Variants in ERICH1 observed in about 807,000 individuals in gnomAD.
ERICH1 encodes glutamate-rich protein 1.
Under a neutral mutation model 39.6 loss-of-function variants are expected in ERICH1, and 56 were observed. The ratio of observed to expected loss-of-function variants is 1.41; its 90% CI spans 1.14 to 1.77. The LOEUF is 1.77. Among genes scored for constraint, ERICH1 ranks in the 40% most tolerant of loss-of-function variants. ERICH1 has a pLI of 0.00. For missense variants in ERICH1, 826 were observed against 575.4 expected, an observed-to-expected ratio of 1.44 and a Z score of -4.45; for synonymous variants, 313 against 223.6, an observed-to-expected ratio of 1.40 and a Z score of -3.57.
intron 3 of ERICH1, among the ~76,000 whole-genome samples, chr8:687,350 T>C (rs1321913036): frequency 8.5e-5 from 13 of 152,336 alleles, no homozygotes; most frequent in East Asian, 7.7e-4. Flanking sequence ...TCACCAAATA[T>C]TGACTTAAGA....
At chr8:731,110 T>C in intron 1 of ERICH1, 30 bp downstream of exon 1, 1 of 1,469,882 alleles carries the variant, frequency 6.8e-7, no homozygotes, top group Admixed American at 2.3e-5. Context: ...GTCTGGGGTC[T>C]GGGCAGGCCT....
intron 2 of ERICH1, among the ~76,000 whole-genome samples, chr8:707,191 A>G (rs1032141702): frequency 1.4e-5 from 2 of 147,814 alleles, no homozygotes; most frequent in African/African-American, 4.9e-5. Flanking sequence ...TCTGTGGCCA[A>G]CTGATTTTTT....
intron 3 of ERICH1, among the ~76,000 whole-genome samples, chr8:689,442 G>A (rs548524192): frequency 1.3e-5 from 2 of 152,324 alleles, no homozygotes; most frequent in African/African-American, 4.8e-5. Context: ...TGTAAGGTAA[G>A]CATTTCCAAA....
intron 3 of ERICH1, among the ~76,000 whole-genome samples, chr8:681,630 G>A (rs1233744061): frequency 1.3e-5 from 2 of 152,196 alleles, no homozygotes; most frequent in Non-Finnish European, 1.5e-5. Flanking sequence ...GAACCCATCC[G>A]TTTTGCAATT....
At chr8:702,922 C>G (rs79576722) in intron 2 of ERICH1, among the ~76,000 whole-genome samples, 26 of 152,342 alleles carry the variant, frequency 1.7e-4, no homozygotes, top group Non-Finnish European at 3.5e-4. Flanking sequence ...AGGACAGGTA[C>G]CCCGCACGCC....
chr8:668,870 A>G, intron 4 of ERICH1, 78 bp from the exon 5 acceptor site: 1 of 1,365,612 alleles, frequency 7.3e-7, no homozygotes, highest in Non-Finnish European at 9.8e-7. Flanking sequence ...TCCTCTCTTA[A>G]GGAAGGTCTC....
intron 3 of ERICH1, among the ~76,000 whole-genome samples, chr8:658,507 C>T (rs1368915359): frequency 6.6e-6 from 1 of 152,234 alleles, no homozygotes; most frequent in East Asian, 1.9e-4. Context: ...CCCCGAGGCA[C>T]AGTTCTCTCC....
intron 3 of ERICH1, among the ~76,000 whole-genome samples, chr8:633,468 T>C (rs535743739): frequency 6.6e-6 from 1 of 152,286 alleles, no homozygotes; most frequent in African/African-American, 2.4e-5. Context: ...TAGGGAGTTT[T>C]AAAGCCCTCA....
At chr8:631,908 T>G (rs1438102130) in intron 3 of ERICH1, among the ~76,000 whole-genome samples, 1 of 152,068 alleles carries the variant, frequency 6.6e-6, no homozygotes, top group Non-Finnish European at 1.5e-5. Flanking sequence ...AGAGGAAGAT[T>G]TAAAGCCCAT....
chr8:623,050 T>C (rs1246398859), intron 3 of ERICH1, among the ~76,000 whole-genome samples: 1 of 152,050 alleles, frequency 6.6e-6, no homozygotes, highest in African/African-American at 2.4e-5. Flanking sequence ...AGAAGAGGGT[T>C]TAACACTTCC....
At chr8:684,907 G>T (rs1340615093) in intron 3 of ERICH1, among the ~76,000 whole-genome samples, 7 of 152,272 alleles carry the variant, frequency 4.6e-5, no homozygotes, top group Non-Finnish European at 2.9e-5. Context: ...AATATCACAA[G>T]GCAAATGAGC....
intron 2 of ERICH1, among the ~76,000 whole-genome samples, chr8:708,949 C>T (rs11777311): frequency 0.13 from 19,864 of 151,706 alleles, 1,691 homozygotes; most frequent in Middle Eastern, 0.24. Context: ...CCCACCTCAG[C>T]CTCCCAAAGT....
At chr8:668,318 T>G in intron 5 of ERICH1, 1 of 472,928 alleles carries the variant, frequency 2.1e-6, no homozygotes, top group South Asian at 2.5e-5. Context: ...ATGAATTCAT[T>G]TCTATTTAAA....
chr8:712,441 TG>T (rs1814961594), intron 2 of ERICH1, among the ~76,000 whole-genome samples: 1 of 152,184 alleles, frequency 6.6e-6, no homozygotes, highest in Admixed American at 6.5e-5. Flanking sequence ...TGTTTTGTTT[TG>T]TTTTTGAGAC....
intron 3 of ERICH1, among the ~76,000 whole-genome samples, chr8:658,680 C>T (rs1317797997): frequency 6.6e-6 from 1 of 152,154 alleles, no homozygotes; most frequent in African/African-American, 2.4e-5. Flanking sequence ...CCCAATCGGA[C>T]AAGAGGAGGA....
At chr8:670,537 A>G (rs1803064159) in intron 4 of ERICH1, among the ~76,000 whole-genome samples, 1 of 152,152 alleles carries the variant, frequency 6.6e-6, no homozygotes, top group African/African-American at 2.4e-5. Flanking sequence ...GTGGCCACAC[A>G]TTTGGGACAG....
At chr8:623,384 A>T (rs556603460) in intron 3 of ERICH1, among the ~76,000 whole-genome samples, 2 of 152,216 alleles carry the variant, frequency 1.3e-5, no homozygotes, top group South Asian at 4.2e-4. Context: ...ATCGAAGGAA[A>T]CCTCCTCAGC....
At chr8:693,656 C>T (rs886104002) in intron 2 of ERICH1, among the ~76,000 whole-genome samples, 13 of 145,530 alleles carry the variant, frequency 8.9e-5, no homozygotes, top group African/African-American at 3.0e-4. Flanking sequence ...CCACCGTGGA[C>T]GGTGGCTGGA....
chr8:623,624 T>G (rs894027238), intron 3 of ERICH1, among the ~76,000 whole-genome samples: 30 of 152,200 alleles, frequency 2.0e-4, no homozygotes, highest in African/African-American at 7.0e-4. Flanking sequence ...ATCTATCACC[T>G]CACAGAATTA....
Sources: gnomAD v4.1 joint callset for allele counts (sites outside exome capture counted in the v4.1 genomes callset) on GRCh38, gnomAD v4.1.1 for gene constraint, MANE v1.5 for transcripts, NCBI Gene and HGNC (gene_info 2026-07-23, HGNC 2026-07-21) for gene names.